Variants in TNFAIP8 observed in about 807,000 individuals in gnomAD.
TNFAIP8 encodes TNF alpha induced protein 8.
Under a neutral mutation model 13.3 loss-of-function variants are expected in TNFAIP8, and 7 were observed. The ratio of observed to expected loss-of-function variants is 0.52; its 90% CI spans 0.30 to 0.99. The LOEUF is 0.99. TNFAIP8 is among the 50% of genes least tolerant of loss of function. The pLI is 0.07. For missense variants in TNFAIP8, 258 were observed against 236.9 expected (o/e 1.09, Z -0.58); for synonymous variants, 94 against 87.6 (o/e 1.07, Z -0.41).
At chr5:119,281,199 T>C (rs1748614250) in intron 1 of TNFAIP8, among the ~76,000 whole-genome samples, 1 of 151,992 alleles carries the variant, frequency 6.6e-6, no homozygotes, top group South Asian at 2.1e-4. Context: ...ATTTCAAGAC[T>C]ATAGTCCAGA....
intron 1 of TNFAIP8, among the ~76,000 whole-genome samples, chr5:119,376,338 C>A (rs1220709111): frequency 1.3e-5 from 2 of 150,816 alleles, no homozygotes; most frequent in Non-Finnish European, 2.9e-5. Context: ...TGGTCTCGAA[C>A]TGCTCTCTGT....
intron 1 of TNFAIP8, among the ~76,000 whole-genome samples, chr5:119,367,610 G>GT (rs2112804378): frequency 6.6e-6 from 1 of 152,260 alleles, no homozygotes; most frequent in East Asian, 1.9e-4. Flanking sequence ...GTTTGATGTT[G>GT]TTTTTTATTC....
At chr5:119,327,841 G>A (rs1371453392) in intron 1 of TNFAIP8, among the ~76,000 whole-genome samples, 1 of 152,174 alleles carries the variant, frequency 6.6e-6, no homozygotes, top group Non-Finnish European at 1.5e-5. Context: ...GAGGCACAGA[G>A]AAATTAAGTT....
At chr5:119,284,418 C>A (rs934164413) in intron 1 of TNFAIP8, among the ~76,000 whole-genome samples, 2 of 152,084 alleles carry the variant, frequency 1.3e-5, no homozygotes, top group Non-Finnish European at 2.9e-5. Flanking sequence ...TTAGGCCAGG[C>A]ACCTATAATC....
chr5:119,353,316 C>G (rs1432261178), upstream of TNFAIP8, among the ~76,000 whole-genome samples: 1 of 152,138 alleles, frequency 6.6e-6, no homozygotes, highest in African/African-American at 2.4e-5. Context: ...TCAAAATGAC[C>G]TAGTACATAT....
intron 1 of TNFAIP8, among the ~76,000 whole-genome samples, chr5:119,315,114 T>C (rs1413825911): frequency 6.6e-6 from 1 of 152,120 alleles, no homozygotes; most frequent in Non-Finnish European, 1.5e-5. Flanking sequence ...ATGGAGTCTC[T>C]CTTTGTTGCC....
At chr5:119,361,696 C>T (rs1224256053) in intron 1 of TNFAIP8, among the ~76,000 whole-genome samples, 1 of 152,186 alleles carries the variant, frequency 6.6e-6, no homozygotes, top group Non-Finnish European at 1.5e-5. Context: ...CATGAATTTT[C>T]CTTCCAGTTT....
At chr5:119,369,315 A>C (rs907848269) in intron 1 of TNFAIP8, among the ~76,000 whole-genome samples, 1 of 152,124 alleles carries the variant, frequency 6.6e-6, no homozygotes, top group Admixed American at 6.5e-5. Context: ...GGGCCTCCCA[A>C]AGTGCTGGGA....
At chr5:119,355,565 C>A (rs1426781846), upstream of TNFAIP8, 1 of 573,188 alleles carries the variant, frequency 1.7e-6, no homozygotes, top group Non-Finnish European at 3.1e-6. Context: ...TGCAAGACTC[C>A]AAGACAAAGT....
At chr5:119,355,817 G>T, upstream of TNFAIP8, 2 of 778,440 alleles carry the variant, frequency 2.6e-6, no homozygotes, top group Non-Finnish European at 1.6e-6. Context: ...AGCCAGCCCC[G>T]CCAGGTCGCC....
intron 1 of TNFAIP8, among the ~76,000 whole-genome samples, chr5:119,297,985 T>G (rs1749232573): frequency 6.6e-6 from 1 of 152,244 alleles, no homozygotes; most frequent in African/African-American, 2.4e-5. Context: ...CCTTTTATTT[T>G]GAGCCTATGT....
chr5:119,382,875 A>T (rs1449367358), intron 1 of TNFAIP8, among the ~76,000 whole-genome samples: 1 of 152,234 alleles, frequency 6.6e-6, no homozygotes, highest in East Asian at 1.9e-4. Flanking sequence ...GAGGAATACC[A>T]AGAACCCTAG....
chr5:119,274,893 C>T (rs1748392530), intron 1 of TNFAIP8, among the ~76,000 whole-genome samples: 1 of 152,138 alleles, frequency 6.6e-6, no homozygotes, highest in Admixed American at 6.5e-5. Context: ...TCAGAATCAC[C>T]AGTGAAGCTT....
chr5:119,343,270 T>TG (rs1750801297), intron 1 of TNFAIP8, among the ~76,000 whole-genome samples: 1 of 152,234 alleles, frequency 6.6e-6, no homozygotes, highest in Non-Finnish European at 1.5e-5. Context: ...TCGAAGGAAG[T>TG]GCGTCCATTC....
chr5:119,387,390 C>G (rs1013089783), intron 1 of TNFAIP8, among the ~76,000 whole-genome samples: 1 of 152,110 alleles, frequency 6.6e-6, no homozygotes, highest in African/African-American at 2.4e-5. Context: ...AAACCTGGAT[C>G]GAGTTTTAAC....
chr5:119,298,700 G>A (rs867714345), intron 1 of TNFAIP8, among the ~76,000 whole-genome samples: 17 of 152,210 alleles, frequency 1.1e-4, no homozygotes, highest in South Asian at 2.1e-4. Context: ...CCTGCAGAGT[G>A]TTTTCCAACT....
chr5:119,368,805 T>C (rs933267037), intron 1 of TNFAIP8, among the ~76,000 whole-genome samples: 3 of 152,128 alleles, frequency 2.0e-5, no homozygotes, highest in African/African-American at 7.2e-5. Flanking sequence ...GAGGTTAAGT[T>C]CTTGTTCTGG....
chr5:119,355,929 C>T, upstream of TNFAIP8: 1 of 1,396,136 alleles, frequency 7.2e-7, no homozygotes. Context: ...CCCTGAAAAT[C>T]CCTGCACCAG....
At chr5:119,296,278 CTTA>C (rs1749172633) in intron 1 of TNFAIP8, among the ~76,000 whole-genome samples, 1 of 151,322 alleles carries the variant, frequency 6.6e-6, no homozygotes, top group Admixed American at 6.6e-5. Flanking sequence ...ATAGATAGCT[CTTA>C]TTATTTGAGT....
Sources: allele counts gnomAD v4.1 joint callset (sites outside exome capture counted in the v4.1 genomes callset), GRCh38; gene constraint gnomAD v4.1.1; transcripts MANE v1.5; gene names NCBI Gene and HGNC (gene_info 2026-07-23, HGNC 2026-07-21).